Variants in KIAA0753 observed in about 807,000 individuals in gnomAD.
KIAA0753 encodes protein moonraker.
In KIAA0753, 114 loss-of-function variants were observed where a neutral mutation model predicts 116.9. That is an observed-to-expected ratio of 0.98 (90% CI 0.84 to 1.14). The LOEUF is 1.14. KIAA0753 is among the 50% of genes most tolerant of loss of function. The probability of loss-of-function intolerance (pLI) is 0.00; values close to 1 mark genes in which losing one functional copy is unlikely to be tolerated. For missense variants in KIAA0753, 1,156 were observed against 1,172.4 expected, an observed-to-expected ratio of 0.99 and a Z score of 0.20; for synonymous variants, 405 against 413.1, an observed-to-expected ratio of 0.98 and a Z score of 0.24.
chr17:6,609,905 A>G, intron 9 of KIAA0753, 89 bp downstream of exon 9: 1 of 1,422,904 alleles, frequency 7.0e-7, no homozygotes, highest in South Asian at 1.3e-5. Context: ...CTACTACTTA[A>G]TTTGCTCCTT....
Position 6,608,399 on chromosome 17 carries a change from T to G in KIAA0753, c.1778A>C (p.Asp593Ala). Reference sequence around the variant, plus strand: ...TGTCAGGTGACTTTCCTCTTGAGGATCTTCTTGCTGGAGAGGCTCTTTTGT... The same window carrying G: ...TGTCAGGTGACTTTCCTCTTGAGGAGCTTCTTGCTGGAGAGGCTCTTTTGT... Reference protein sequence around the residue: ...DATKEPLQQEDPQEESHLTGA... With the variant: ...DATKEPLQQEAPQEESHLTGA... The change falls in exon 10 of 19, where the codon GAT (aspartate) becomes GCT (alanine). Residue 593 changes from aspartate (D) to alanine (A), a missense_variant. Physicochemically the swap from Asp to Ala is moderately radical, Grantham distance 126. Coordinates refer to ENST00000361413, the MANE Select transcript of KIAA0753 (RefSeq NM_014804.3). The G allele has an allele frequency of 6.4e-7, 1 of 1,564,698 alleles. No individual in the cohort carries two copies. The highest frequency in any genetic ancestry group is 8.7e-7 in the Non-Finnish European group (1 of 1,150,526).
chr17:6,591,487 T>C (rs539060642), intron 16 of KIAA0753, among the ~76,000 whole-genome samples: 2 of 152,300 alleles, frequency 1.3e-5, no homozygotes, highest in African/African-American at 4.8e-5. Context: ...TCACTTTAAA[T>C]TGGGTTTTGT....
intron 16 of KIAA0753, among the ~76,000 whole-genome samples, chr17:6,594,323 A>T (rs1311472701): frequency 6.7e-6 from 1 of 149,050 alleles, no homozygotes; most frequent in Non-Finnish European, 1.5e-5. Flanking sequence ...GCTTTAAGCC[A>T]CCAAATATGT....
At chr17:6,587,405 T>C (rs1456854632) in intron 18 of KIAA0753, among the ~76,000 whole-genome samples, 2 of 152,198 alleles carry the variant, frequency 1.3e-5, no homozygotes, top group East Asian at 3.8e-4. Context: ...CTTTATAGGC[T>C]GAGAGATTTT....
At chr17:6,604,027 AAC>A (rs1970036945) in intron 12 of KIAA0753, among the ~76,000 whole-genome samples, 1 of 152,234 alleles carries the variant, frequency 6.6e-6, no homozygotes, top group South Asian at 2.1e-4. Flanking sequence ...GGATCCCTCA[AAC>A]ACTGCTGGTG....
intron 1 of KIAA0753, chr17:6,637,354 C>T (rs1402840114): frequency 6.6e-6 from 1 of 152,308 alleles, no homozygotes; most frequent in African/African-American, 2.4e-5. Context: ...GCCTGTCTCC[C>T]CCTCCACAGG....
intron 12 of KIAA0753, among the ~76,000 whole-genome samples, chr17:6,601,748 C>G (rs1396334994): frequency 6.6e-6 from 1 of 152,004 alleles, no homozygotes; most frequent in East Asian, 1.9e-4. Flanking sequence ...CTAACATAGG[C>G]AATGATTTCT....
chr17:6,604,431 G>A (rs1245909550), intron 12 of KIAA0753, among the ~76,000 whole-genome samples: 1 of 151,980 alleles, frequency 6.6e-6, no homozygotes, highest in Non-Finnish European at 1.5e-5. Context: ...TGGTTTGTTT[G>A]TATCCACACC....
At chr17:6,622,194 C>T (rs769479286) in intron 6 of KIAA0753, among the ~76,000 whole-genome samples, 1 of 152,172 alleles carries the variant, frequency 6.6e-6, no homozygotes, top group Non-Finnish European at 1.5e-5. Flanking sequence ...AATTTGATGC[C>T]TAGCTCTCAA....
chr17:6,581,905 T>C (rs1968206696), intron 18 of KIAA0753, among the ~76,000 whole-genome samples: 1 of 152,196 alleles, frequency 6.6e-6, no homozygotes. Flanking sequence ...GCCCCAGGCT[T>C]ATAGTCAGCC....
intron 6 of KIAA0753, 106 bp from the exon 7 acceptor site, chr17:6,621,104 C>A: frequency 1.1e-6 from 1 of 906,748 alleles, no homozygotes. Context: ...TATTAAATGG[C>A]TATCTCTAAC....
intron 9 of KIAA0753, among the ~76,000 whole-genome samples, chr17:6,609,776 C>A (rs536394838): frequency 1.3e-5 from 2 of 152,236 alleles, no homozygotes; most frequent in Admixed American, 1.3e-4. Flanking sequence ...TGGGGTGGCC[C>A]ATGGAAGGGT....
intron 17 of KIAA0753, 84 bp from the exon 18 acceptor site, chr17:6,590,087 G>A: frequency 9.6e-7 from 1 of 1,041,310 alleles, no homozygotes; most frequent in Non-Finnish European, 1.4e-6. Context: ...TGGTTTGATA[G>A]CCAAAGGCTC....
intron 12 of KIAA0753, among the ~76,000 whole-genome samples, chr17:6,601,399 CTA>C: frequency 6.6e-6 from 1 of 152,224 alleles, no homozygotes; most frequent in African/African-American, 2.4e-5. Flanking sequence ...AGGCTAAATG[CTA>C]TGTTATTAGA....
At chr17:6,592,139 T>C (rs1403652712) in intron 16 of KIAA0753, among the ~76,000 whole-genome samples, 2 of 151,926 alleles carry the variant, frequency 1.3e-5, no homozygotes, top group Admixed American at 1.3e-4. Flanking sequence ...TGGAGGAGGA[T>C]TGAGGGGAAG....
intron 2 of KIAA0753, among the ~76,000 whole-genome samples, chr17:6,634,584 A>G (rs1391327292): frequency 6.6e-6 from 1 of 152,206 alleles, no homozygotes; most frequent in Non-Finnish European, 1.5e-5. Context: ...AATCTAGGTG[A>G]GGTGTTCATT....
Position 6,607,276 on chromosome 17 carries a change from A to G in KIAA0753, c.1830-6T>C. 1 of 1,613,700 alleles carries G rather than the reference A, an allele frequency of 6.2e-7. No homozygotes were observed. The highest frequency in any genetic ancestry group is 8.5e-7 in the Non-Finnish European group (1 of 1,179,670). On this transcript the variant is annotated splice_polypyrimidine_tract_variant and splice_region_variant and intron_variant, in intron 10 of 18. Transcript: ENST00000361413. ...CAGCATCAAGCCAAGCGAGCCTAGC[A>G]GACAGTCAAAAGAGTCAAACCAATT...
In KIAA0753 at chr17:6,615,271, TC is replaced by T. The variant is rs201533640; in HGVS notation, c.1316-3124del. Among the ~76,000 whole-genome samples, 1,390 of 152,132 alleles carry T rather than the reference TC, an allele frequency of 9.1e-3. 10 individuals carry two copies. The highest frequency in any genetic ancestry group is 0.014 in the Middle Eastern group (4 of 294). On this transcript the variant is annotated intron_variant, in intron 7 of 18. Transcript: ENST00000361413. ...AAATGTGTATCCATGCTGTAGACGC[TC>T]CCTGCCTGTTAGTCACCTAGTAGCT... is the stretch of plus-strand genomic sequence containing the variant.
chr17:6,580,960 T>C (rs1968137443), intron 18 of KIAA0753, among the ~76,000 whole-genome samples: 1 of 151,864 alleles, frequency 6.6e-6, no homozygotes, highest in East Asian at 1.9e-4. Flanking sequence ...GCAAGCTTCG[T>C]ATCTCCCAAG....
Sources: allele counts gnomAD v4.1 joint callset (sites outside exome capture counted in the v4.1 genomes callset), GRCh38; gene constraint gnomAD v4.1.1; transcripts MANE v1.5; gene names NCBI Gene and HGNC (gene_info 2026-07-23, HGNC 2026-07-21).